Variants in PCDHGA1 observed in about 807,000 individuals in gnomAD.
PCDHGA1 encodes the protein protocadherin gamma-A1.
A neutral mutation model predicts 58.0 loss-of-function variants in PCDHGA1; 32 were observed. The ratio of observed to expected loss-of-function variants is 0.55; its 90% confidence interval spans 0.42 to 0.74. The LOEUF is 0.74. Ranked by LOEUF, PCDHGA1 falls within the 30% of genes least tolerant of loss-of-function variation. PCDHGA1 has a pLI of 0.00. For missense variants in PCDHGA1, 1,205 were observed against 1,182.3 expected, an observed-to-expected ratio of 1.02 and a Z score of -0.28; for synonymous variants, 498 against 501.1, an observed-to-expected ratio of 0.99 and a Z score of 0.08.
chr5:141,343,138 T>TG lies in PCDHGA1; in HGVS notation c.2421+10034dup, dbSNP rs531400799. On this transcript the variant is annotated intron_variant, in intron 1 of 3. Transcript: ENST00000517417. Reference sequence around the variant, plus strand: ...TTTGCTTTTATATCCTTATAATCTCTGTGAAGGAAGCTACTGTGTCTATAT... The same window carrying TG: ...TTTGCTTTTATATCCTTATAATCTCTGGTGAAGGAAGCTACTGTGTCTATAT... 1.8e-3 allele frequency: 402 copies of TG among 222,060 alleles called. 2 individuals carry two copies. The highest frequency in any genetic ancestry group is 8.2e-3 in the African/African-American group (351 of 42,882). 13.8% of individuals were successfully genotyped at this position (222,060 alleles called of 1,614,324 possible). A position where few individuals can be genotyped will look rare whatever the true frequency, so the allele number is the denominator to read the frequency against.
chr5:141,392,900 A>G, intron 1 of PCDHGA1: 1 of 1,613,714 alleles, frequency 6.2e-7, no homozygotes, highest in Non-Finnish European at 8.5e-7. Flanking sequence ...TCGGGAGGGG[A>G]CAGATTCGCT....
chr5:141,399,751 G>A (rs564705346), intron 1 of PCDHGA1: 3 of 1,613,322 alleles, frequency 1.9e-6, no homozygotes, highest in Admixed American at 3.3e-5. Context: ...CAGCGCAAAC[G>A]TGAGCCTGCG....
intron 1 of PCDHGA1, chr5:141,355,962 C>A: frequency 6.2e-7 from 1 of 1,613,898 alleles, no homozygotes; most frequent in Non-Finnish European, 8.5e-7. Context: ...TTCGTGAGAA[C>A]GTTCCTGTAG....
intron 1 of PCDHGA1, chr5:141,428,153 CT>C (rs2097116745): frequency 6.3e-7 from 1 of 1,581,370 alleles, no homozygotes; most frequent in Admixed American, 1.7e-5. Flanking sequence ...ACACGGGAAC[CT>C]GCTGGTTGCT....
intron 2 of PCDHGA1, 143 bp downstream of exon 2, chr5:141,495,008 G>A (rs2099758236): frequency 6.6e-7 from 1 of 1,521,900 alleles, no homozygotes; most frequent in Non-Finnish European, 8.8e-7. Context: ...TGGTGTGCGG[G>A]GGGCTGGCAC....
Position 141,332,811 on chromosome 5 carries a change from C to G in PCDHGA1, c.2127C>G (p.Ile709Met), listed in dbSNP as rs750940303. The stretch of plus-strand genomic sequence containing the variant: ...CCTGCGTCTTCCTGGCCTTCGTCAT[C>G]GTGCTGCTGGCGCACAGGCTGCGGC... ...AVSCVFLAFV[I>M]VLLAHRLRRW... The change falls in exon 1 of 4, where the codon ATC becomes ATG. Residue 709 changes from isoleucine (I) to methionine (M), a missense_variant. By Grantham distance (10) the Ile-to-Met change is conservative. Coordinates refer to ENST00000517417, the MANE Select transcript of PCDHGA1 (RefSeq NM_018912.3). This position sits in a 1 kb window ranked among gnomAD's most constrained non-coding sequence, Gnocchi z 4.6. 1.2e-5 allele frequency: 20 copies of G among 1,614,110 alleles called. No individual in the cohort carries two copies. The highest frequency in any genetic ancestry group is 1.6e-5 in the Non-Finnish European group (19 of 1,180,048).
intron 2 of PCDHGA1, among the ~76,000 whole-genome samples, chr5:141,504,782 G>A (rs2099841011): frequency 6.6e-6 from 1 of 151,926 alleles, no homozygotes; most frequent in Non-Finnish European, 1.5e-5. Context: ...AGGGTCTCTT[G>A]GGGCCTCCTA....
At chr5:141,387,772 T>G in intron 1 of PCDHGA1, 1 of 1,442,780 alleles carries the variant, frequency 6.9e-7, no homozygotes, top group Non-Finnish European at 9.2e-7. Flanking sequence ...GAATTTTTTC[T>G]TGAACTGGAA....
At chr5:141,394,300 T>G (rs753637808) in intron 1 of PCDHGA1, 2 of 1,613,820 alleles carry the variant, frequency 1.2e-6, no homozygotes, top group African/African-American at 2.7e-5. Context: ...GAGGACACGC[T>G]GCAGGGGGCG....
intron 1 of PCDHGA1, chr5:141,403,596 C>T: frequency 6.2e-7 from 1 of 1,613,768 alleles, no homozygotes; most frequent in Non-Finnish European, 8.5e-7. Context: ...CTCACGGCCT[C>T]GGATGGCGGC....
intron 3 of PCDHGA1, among the ~76,000 whole-genome samples, chr5:141,509,420 G>A (rs1384424118): frequency 6.6e-6 from 1 of 152,128 alleles, no homozygotes; most frequent in East Asian, 1.9e-4. Context: ...GAGCCCCAAT[G>A]AGTCAAACTC....
chr5:141,368,022 A>C lies in PCDHGA1; in HGVS notation c.2421+34917A>C, dbSNP rs148102234. 3.7e-3 allele frequency among the ~76,000 whole-genome samples: 559 copies of C among 152,344 alleles called. 6 individuals are homozygous for C. Among genetic ancestry groups the C allele is most frequent in the African/African-American group, 0.013 (529 of 41,584 alleles). On this transcript the variant is annotated intron_variant, in intron 1 of 3. Coordinates refer to ENST00000517417, the MANE Select transcript of PCDHGA1 (RefSeq NM_018912.3). ...AATGAAATACTGGCCTATGTGCCTC[A>C]AATTCCAGGAGGATGTGTTATGTAA...
intron 1 of PCDHGA1, among the ~76,000 whole-genome samples, chr5:141,469,684 T>C (rs1471928749): frequency 6.6e-6 from 1 of 152,256 alleles, no homozygotes; most frequent in Non-Finnish European, 1.5e-5. Flanking sequence ...ACATATGCAT[T>C]GGTCCTATGA....
intron 1 of PCDHGA1, chr5:141,415,955 G>A: frequency 8.5e-6 from 4 of 472,662 alleles, no homozygotes; most frequent in Non-Finnish European, 1.3e-5. Context: ...GTCACATATT[G>A]AAACTCCAGC....
chr5:141,368,807 G>A (rs1237062065), intron 1 of PCDHGA1, among the ~76,000 whole-genome samples: 1 of 152,082 alleles, frequency 6.6e-6, no homozygotes, highest in Admixed American at 6.5e-5. Context: ...ACTAATTGAA[G>A]TGTTCATACA....
intron 1 of PCDHGA1, chr5:141,413,899 A>G: frequency 1.2e-6 from 2 of 1,613,286 alleles, no homozygotes; most frequent in Non-Finnish European, 1.7e-6. Context: ...TGCAAATGAC[A>G]ACGCGCCGGT....
At position 141,476,453 on chromosome 5, in the gene PCDHGA1, G is replaced by A. The variant is rs1432113874; in HGVS notation, c.2422-18354G>A. 3 of 1,614,138 alleles carry A rather than the reference G, an allele frequency of 1.9e-6. No individual in the cohort carries two copies. The East Asian group carries it at 6.7e-5, about 36-fold the overall frequency. ...CACTGTAACTCTGGAGTTGGTAGTG[G>A]AGAACCCGCTGGAGCTGTTCAGCGT... On this transcript the variant is annotated intron_variant, in intron 1 of 3. Transcript: ENST00000517417. The surrounding 1 kb of genome is among the most constrained non-coding windows in gnomAD (Gnocchi z 7.6).
At chr5:141,503,916 C>T (rs1372491893) in intron 2 of PCDHGA1, among the ~76,000 whole-genome samples, 1 of 152,246 alleles carries the variant, frequency 6.6e-6, no homozygotes, top group African/African-American at 2.4e-5. Context: ...CAACGCAACA[C>T]ACACACAGAC....
chr5:141,425,528 C>CA (rs890632943), intron 1 of PCDHGA1, among the ~76,000 whole-genome samples: 1 of 152,200 alleles, frequency 6.6e-6, no homozygotes, highest in African/African-American at 2.4e-5. Context: ...AAACATGAAA[C>CA]AATAATCCTT....
Sources: allele counts gnomAD v4.1 joint callset (sites outside exome capture counted in the v4.1 genomes callset), GRCh38; gene constraint gnomAD v4.1.1; non-coding constraint Gnocchi (gnomAD v3.1); transcripts MANE v1.5; gene names NCBI Gene and HGNC (gene_info 2026-07-23, HGNC 2026-07-21).